Variants in SLIT1 observed in about 807,000 individuals in gnomAD.
SLIT1 encodes slit homolog 1 protein.
A neutral mutation model predicts 186.1 loss-of-function variants in SLIT1; 66 were observed. That is an observed-to-expected ratio of 0.35 (90% CI 0.29 to 0.44). The LOEUF (loss-of-function observed/expected upper bound fraction) is 0.44, where lower values mean the gene tolerates loss of function less well. Ranked by LOEUF, SLIT1 falls within the 20% of genes least tolerant of loss-of-function variation. SLIT1 has a pLI of 1.00. For synonymous variants in SLIT1, 761 were observed against 833.8 expected, an observed-to-expected ratio of 0.91 and a Z score of 1.50; for missense variants, 1,638 against 2,037.4, an observed-to-expected ratio of 0.80 and a Z score of 3.77.
At chr10:97,180,575 C>A (rs1306718713) in intron 1 of SLIT1, among the ~76,000 whole-genome samples, 1 of 152,210 alleles carries the variant, frequency 6.6e-6, no homozygotes, top group African/African-American at 2.4e-5. Flanking sequence ...GGGAATTAAA[C>A]CCCATCACTT....
rs1848968156 is a variant in SLIT1, at chr10:97,068,135, G to C, written c.414-2049C>G. On this transcript the variant is annotated intron_variant, in intron 4 of 36. Coordinates refer to ENST00000266058, the MANE Select transcript of SLIT1 (RefSeq NM_003061.3). The surrounding 1 kb of genome is among the most constrained non-coding windows in gnomAD (Gnocchi z 4.2). ...ATCAGCCACTCGCCAAGCATTTGTTGAATGAATGAATGAATGAATGAATGA... is the reference window on the plus strand; with the variant it reads ...ATCAGCCACTCGCCAAGCATTTGTTCAATGAATGAATGAATGAATGAATGA... Among the ~76,000 whole-genome samples, 1 of 151,978 alleles carries C rather than the reference G, an allele frequency of 6.6e-6. No individual in the cohort carries two copies. Among genetic ancestry groups the C allele is most frequent in the Non-Finnish European group, 1.5e-5 (1 of 68,000 alleles).
At chr10:97,054,821 CA>C (rs1564663476) in intron 13 of SLIT1, among the ~76,000 whole-genome samples, 1 of 152,174 alleles carries the variant, frequency 6.6e-6, no homozygotes, top group Admixed American at 6.5e-5. Context: ...GGAGAGGACA[CA>C]TAGATAAACA....
intron 32 of SLIT1, among the ~76,000 whole-genome samples, chr10:97,005,799 T>G (rs927013585): frequency 6.6e-6 from 1 of 151,054 alleles, no homozygotes; most frequent in East Asian, 1.9e-4. Flanking sequence ...GGCTGAAGAG[T>G]TCTGAGAAAA....
At position 97,047,973 on chromosome 10, in the gene SLIT1, C is replaced by A; in HGVS notation, c.1489G>T (p.Gly497Cys). 3 of 1,614,180 alleles carry A rather than the reference C, an allele frequency of 1.9e-6. No individual in the cohort carries two copies. The highest frequency in any genetic ancestry group is 2.5e-6 in the Non-Finnish European group (3 of 1,179,998). Residue 497 changes from glycine to cysteine, a missense_variant and splice_region_variant, in exon 15 of 37, where the codon GGC becomes TGC. By Grantham distance (159) the Gly-to-Cys change is radical. Coordinates refer to ENST00000266058, the MANE Select transcript of SLIT1 (RefSeq NM_003061.3). ...CSAKEQYFIP[G>C]TEDYQLNSEC... The stretch of plus-strand genomic sequence containing the variant: ...GCCTTGGATCCCCCCACTCTCCTAC[C>A]TGGAATGAAGTACTGCTCTTTGGCT...
rs538846892 is a variant in SLIT1, at chr10:97,032,441, C to T, written c.2439-764G>A. 2.7e-3 allele frequency among the ~76,000 whole-genome samples: 407 copies of T among 152,048 alleles called. 2 individuals carry two copies. Among genetic ancestry groups the T allele is most frequent in the Non-Finnish European group, 3.7e-3 (253 of 67,994 alleles). ...AATATTAGCCAGGCATGGTGGTAGA[C>T]GCCTATAATCCCAGCTACTCGAGAG... On this transcript the variant is annotated intron_variant, in intron 23 of 36. Transcript: ENST00000266058.
chr10:97,101,683 C>A (rs570685162), intron 4 of SLIT1, among the ~76,000 whole-genome samples: 2 of 152,368 alleles, frequency 1.3e-5, no homozygotes, highest in East Asian at 3.9e-4. Context: ...GCTGCACATG[C>A]CTCCTGGCCT....
Position 97,145,211 on chromosome 10 carries a change from G to A in SLIT1, c.413+12607C>T, listed in dbSNP as rs192559775. 4.3e-4 allele frequency among the ~76,000 whole-genome samples: 65 copies of A among 152,174 alleles called. No individual in the cohort carries two copies. In the East Asian group the frequency reaches 0.011, roughly 25 times the overall value. On this transcript the variant is annotated intron_variant, in intron 4 of 36. Transcript: ENST00000266058. ...GGCTGGAGTGCAATGGTGCGGTCCC[G>A]GGTTCAAGCAATTCTCCCGCCTCAG...
At chr10:97,103,002 ATACTC>A (rs1310937102) in intron 4 of SLIT1, 1 of 152,226 alleles carries the variant, frequency 6.6e-6, no homozygotes, top group African/African-American at 2.4e-5. Context: ...GCTTCTCTGA[ATACTC>A]TAAGGGAGGC....
chr10:97,135,170 G>A (rs1180250403), intron 4 of SLIT1, among the ~76,000 whole-genome samples: 1 of 152,204 alleles, frequency 6.6e-6, no homozygotes, highest in Non-Finnish European at 1.5e-5. Flanking sequence ...CGGGCTTCAC[G>A]AACGGGACCC....
intron 23 of SLIT1, among the ~76,000 whole-genome samples, chr10:97,033,547 C>T (rs73320626): frequency 0.018 from 2,744 of 152,230 alleles, 68 homozygotes; most frequent in African/African-American, 0.06. Context: ...AAGTGTGGCC[C>T]GTTCCTCCAA....
chr10:97,050,984 A>G (rs746206031), intron 13 of SLIT1, among the ~76,000 whole-genome samples: 13 of 122,226 alleles, frequency 1.1e-4, no homozygotes, highest in Non-Finnish European at 1.2e-4. Context: ...CAAGAGGAAG[A>G]AAAAAAATTC....
intron 3 of SLIT1, among the ~76,000 whole-genome samples, chr10:97,160,580 A>C (rs1850012455): frequency 6.6e-6 from 1 of 152,208 alleles, no homozygotes; most frequent in Non-Finnish European, 1.5e-5. Flanking sequence ...GGCAAACAAC[A>C]CAGAAAGAAC....
intron 20 of SLIT1, among the ~76,000 whole-genome samples, chr10:97,041,962 C>CT (rs1352063288): frequency 3.3e-5 from 5 of 151,906 alleles, no homozygotes; most frequent in Admixed American, 6.6e-5. Context: ...ACAAATCAGA[C>CT]ATTTTTAAAA....
At chr10:97,046,962 A>G (rs750475575) in intron 17 of SLIT1, 29 bp downstream of exon 17, 1 of 1,585,556 alleles carries the variant, frequency 6.3e-7, no homozygotes, top group Non-Finnish European at 8.7e-7. Context: ...GCATCCCAAC[A>G]GACACCTTCT....
At chr10:97,076,297 C>T (rs1029501080) in intron 4 of SLIT1, among the ~76,000 whole-genome samples, 1 of 152,162 alleles carries the variant, frequency 6.6e-6, no homozygotes, top group African/African-American at 2.4e-5. Context: ...GAATGGGAGA[C>T]AGACTCCTAA....
At chr10:97,067,453 C>G (rs1564666845) in intron 4 of SLIT1, among the ~76,000 whole-genome samples, 1 of 152,202 alleles carries the variant, frequency 6.6e-6, no homozygotes, top group Non-Finnish European at 1.5e-5. Flanking sequence ...GAGTACTTCC[C>G]AGGAGCGTGG....
chr10:97,144,965 C>CAGA (rs1849801681), intron 4 of SLIT1, among the ~76,000 whole-genome samples: 1 of 152,070 alleles, frequency 6.6e-6, no homozygotes, highest in Non-Finnish European at 1.5e-5. Flanking sequence ...CAGAGCCCCA[C>CAGA]AGATAATCAG....
chr10:97,120,831 C>T (rs112973569), intron 4 of SLIT1, among the ~76,000 whole-genome samples: 4 of 152,222 alleles, frequency 2.6e-5, no homozygotes, highest in Non-Finnish European at 4.4e-5. Context: ...GACTCTGACT[C>T]TCTCTCCCTA....
chr10:97,152,454 C>T, intron 4 of SLIT1, among the ~76,000 whole-genome samples: 1 of 91,094 alleles, frequency 1.1e-5, no homozygotes, highest in East Asian at 3.3e-4. Context: ...CTGACATTTC[C>T]TGGGCACCTC....
Sources: gnomAD v4.1 joint callset for allele counts (sites outside exome capture counted in the v4.1 genomes callset) on GRCh38, gnomAD v4.1.1 for gene constraint, Gnocchi (gnomAD v3.1) non-coding constraint, MANE v1.5 for transcripts, NCBI Gene and HGNC (gene_info 2026-07-23, HGNC 2026-07-21) for gene names.